Variants in CSMD1 observed in about 807,000 individuals in gnomAD.
CSMD1 encodes the protein CUB and Sushi multiple domains 1.
In CSMD1, 213 loss-of-function variants were observed where a neutral mutation model predicts 417.5. That is an observed-to-expected ratio of 0.51 (90% CI 0.46 to 0.57). The LOEUF is 0.57. Among genes scored for constraint, CSMD1 ranks in the 20% least tolerant of loss-of-function variants. The probability of loss-of-function intolerance (pLI) is 0.00; values close to 1 mark genes in which losing one functional copy is unlikely to be tolerated. For synonymous variants in CSMD1, 2,862 were observed against 1,736.8 expected, an observed-to-expected ratio of 1.65 and a Z score of -16.11; for missense variants, 6,923 against 4,529.7, an observed-to-expected ratio of 1.53 and a Z score of -15.17.
chr8:4,576,399 C>A (rs1489718212), intron 2 of CSMD1, among the ~76,000 whole-genome samples: 1 of 152,248 alleles, frequency 6.6e-6, no homozygotes, highest in Non-Finnish European at 1.5e-5. Flanking sequence ...GTCCCATTCC[C>A]CAGACTAGAT....
intron 1 of CSMD1, among the ~76,000 whole-genome samples, chr8:4,819,935 T>G (rs1269213834): frequency 2.0e-5 from 3 of 152,194 alleles, no homozygotes; most frequent in Non-Finnish European, 2.9e-5. Flanking sequence ...ATAAGTAATT[T>G]TTGAAATATC....
rs534040670 is a variant in CSMD1, at chr8:3,743,030, T to C, written c.931+10900A>G. ...CCCTTGGAACATACGCCTAGCACAC[T>C]TGTCTCACTTGACCGCCATGGTCCC... On this transcript the variant is annotated intron_variant, in intron 6 of 69. Coordinates refer to ENST00000635120, the MANE Select transcript of CSMD1 (RefSeq NM_033225.6). Among the ~76,000 whole-genome samples the C allele has an allele frequency of 3.9e-5, 6 of 152,306 alleles. 1 individual carries two copies. The highest frequency in any genetic ancestry group is 4.1e-4 in the South Asian group (2 of 4,826).
At chr8:4,941,681 C>T (rs1202299015) in intron 1 of CSMD1, among the ~76,000 whole-genome samples, 1 of 152,062 alleles carries the variant, frequency 6.6e-6, no homozygotes, top group African/African-American at 2.4e-5. Context: ...TCTCTGCAGC[C>T]TCGATCCCTC....
intron 47 of CSMD1, among the ~76,000 whole-genome samples, chr8:3,093,628 A>T (rs1484351800): frequency 6.6e-6 from 1 of 152,070 alleles, no homozygotes; most frequent in Non-Finnish European, 1.5e-5. Flanking sequence ...AGGTTGTGCC[A>T]TTGCACTCCA....
chr8:4,493,944 T>A (rs1349664919), intron 2 of CSMD1, among the ~76,000 whole-genome samples: 1 of 152,094 alleles, frequency 6.6e-6, no homozygotes, highest in Non-Finnish European at 1.5e-5. Flanking sequence ...AAAAATTGGT[T>A]AAAAAGGTCA....
At chr8:3,277,462 G>A (rs553844420) in intron 26 of CSMD1, among the ~76,000 whole-genome samples, 2 of 152,230 alleles carry the variant, frequency 1.3e-5, no homozygotes, top group African/African-American at 4.8e-5. Context: ...TGGGAGAATT[G>A]GATTTTGGAT....
chr8:3,722,816 G>C (rs28619415), intron 6 of CSMD1, among the ~76,000 whole-genome samples: 3 of 152,078 alleles, frequency 2.0e-5, no homozygotes, highest in African/African-American at 7.2e-5. Flanking sequence ...AACGATGCTG[G>C]TCTTGAGGAA....
Position 3,367,208 on chromosome 8 carries a change from G to A in CSMD1, c.2939C>T (p.Ser980Phe). ...CTCTGTGATCAGTAAATAGTCGTGG[G>A]AACTCTCAAGATGAAAGGTGTGAAA... ...MIFHTFHLES[S>F]HDYLLITEDG... Residue 980 changes from serine (S) to phenylalanine (F), a missense_variant, in exon 20 of 70, where the codon TCC becomes TTC. Transcript: ENST00000635120. 3 of 1,613,366 alleles carry A rather than the reference G, an allele frequency of 1.9e-6. No homozygotes were observed. Among genetic ancestry groups the A allele is most frequent in the Non-Finnish European group, 2.5e-6 (3 of 1,179,658 alleles).
At chr8:4,494,497 C>G (rs764169391) in intron 2 of CSMD1, among the ~76,000 whole-genome samples, 1 of 152,114 alleles carries the variant, frequency 6.6e-6, no homozygotes, top group Non-Finnish European at 1.5e-5. Flanking sequence ...CCAAGTTTTA[C>G]GTTTATTTTA....
intron 61 of CSMD1, among the ~76,000 whole-genome samples, chr8:2,962,179 G>C (rs529718178): frequency 6.6e-6 from 1 of 152,102 alleles, no homozygotes; most frequent in Non-Finnish European, 1.5e-5. Flanking sequence ...CCTAAACAAT[G>C]CAATTGGCAG....
At chr8:4,963,116 C>A (rs1467274993) in intron 1 of CSMD1, among the ~76,000 whole-genome samples, 1 of 152,180 alleles carries the variant, frequency 6.6e-6, no homozygotes, top group Non-Finnish European at 1.5e-5. Context: ...GCTTATTTCC[C>A]ATGGGTGGCC....
chr8:3,891,528 C>CA (rs1391310364), intron 5 of CSMD1, among the ~76,000 whole-genome samples: 22 of 151,532 alleles, frequency 1.5e-4, no homozygotes, highest in African/African-American at 2.9e-4. Context: ...CACACACACA[C>CA]AAAAAAAAGC....
At chr8:3,772,167 C>CATATATATATATATATATAT (rs375018980) in intron 5 of CSMD1, among the ~76,000 whole-genome samples, 1 of 44,872 alleles carries the variant, frequency 2.2e-5, no homozygotes, top group African/African-American at 7.4e-5. Context: ...GAAAGGGCAA[C>CATATATATATATATATATAT]ATATATATAT....
chr8:4,814,755 A>T (rs1799110576), intron 1 of CSMD1, among the ~76,000 whole-genome samples: 4 of 152,182 alleles, frequency 2.6e-5, no homozygotes, highest in Non-Finnish European at 4.4e-5. Context: ...CATTGAGATC[A>T]TTGATAAGGA....
At chr8:3,644,993 T>TAAAAAAAAA in intron 7 of CSMD1, among the ~76,000 whole-genome samples, 1 of 83,086 alleles carries the variant, frequency 1.2e-5, no homozygotes, top group South Asian at 3.1e-4. Context: ...AAAAAAAAAG[T>TAAAAAAAAA]CAATTGTTCT....
At chr8:3,560,396 G>C (rs913588330) in intron 10 of CSMD1, among the ~76,000 whole-genome samples, 4 of 152,088 alleles carry the variant, frequency 2.6e-5, no homozygotes, top group African/African-American at 9.7e-5. Context: ...AAGAATTTCA[G>C]TGTCTTTTCT....
In CSMD1 at chr8:3,315,208, C is replaced by G. The variant is rs189890434; in HGVS notation, c.3632-6705G>C. Among the ~76,000 whole-genome samples the G allele has an allele frequency of 4.5e-4, 69 of 152,082 alleles. 2 individuals carry two copies. Among genetic ancestry groups the G allele is most frequent in the African/African-American group, 1.6e-3 (67 of 41,394 alleles). On this transcript the variant is annotated intron_variant, in intron 23 of 69. Transcript: ENST00000635120. ...ACACCATTTCCTTCAGTGTAAAGAA[C>G]TGCATTAAAAACTTAATATTGCTTT... is the stretch of plus-strand genomic sequence containing the variant.
rs372632381 is a variant in CSMD1 at position 3,540,525 on chromosome 8, G to C, written c.1344+34420C>G. Among the ~76,000 whole-genome samples the C allele has an allele frequency of 1.4e-4, 22 of 152,262 alleles. No individual in the cohort carries two copies. The East Asian group carries it at 2.3e-3, about 16-fold the overall frequency. On this transcript the variant is annotated intron_variant, in intron 10 of 69. Transcript: ENST00000635120. ...AGCAATTACAACAAAAGTAAAAACT[G>C]ACAAATGGGATCTAATTAAAGTAAA...
intron 3 of CSMD1, among the ~76,000 whole-genome samples, chr8:4,144,185 T>G (rs1315073533): frequency 6.6e-6 from 1 of 151,004 alleles, no homozygotes; most frequent in East Asian, 1.9e-4. Flanking sequence ...CGAATTGGCC[T>G]TAGACCTCCT....
Sources: gnomAD v4.1 joint callset for allele counts (sites outside exome capture counted in the v4.1 genomes callset) on GRCh38, gnomAD v4.1.1 for gene constraint, MANE v1.5 for transcripts, NCBI Gene and HGNC (gene_info 2026-07-23, HGNC 2026-07-21) for gene names.